Variants in DCLK1 observed in about 807,000 individuals in gnomAD.
DCLK1 encodes doublecortin like kinase 1.
Under a neutral mutation model 86.2 loss-of-function variants are expected in DCLK1, and 16 were observed. That is an observed-to-expected ratio of 0.19 (90% CI 0.13 to 0.28). DCLK1 has a LOEUF of 0.28. DCLK1 is among the 10% of genes least tolerant of loss of function. The pLI is 1.00. For synonymous variants in DCLK1, 369 were observed against 370.5 expected (o/e 1.00, Z 0.05); for missense variants, 590 against 940.2 (o/e 0.63, Z 4.87).
chr13:36,102,772 T>C (rs1260145468), intron 3 of DCLK1, among the ~76,000 whole-genome samples: 1 of 152,208 alleles, frequency 6.6e-6, no homozygotes, highest in Non-Finnish European at 1.5e-5. Flanking sequence ...AATAACTGAT[T>C]ACACTGAATA....
intron 16 of DCLK1, among the ~76,000 whole-genome samples, chr13:35,780,214 C>T (rs1399398223): frequency 6.6e-6 from 1 of 152,058 alleles, no homozygotes; most frequent in Non-Finnish European, 1.5e-5. Flanking sequence ...CTTCAGAACG[C>T]CTATTTTTGT....
intron 3 of DCLK1, among the ~76,000 whole-genome samples, chr13:36,098,199 G>A (rs900290318): frequency 6.6e-6 from 1 of 152,098 alleles, no homozygotes; most frequent in Non-Finnish European, 1.5e-5. Flanking sequence ...TCACCCCCAG[G>A]GACAGATCCG....
At chr13:36,071,124 T>C (rs1428698695) in intron 3 of DCLK1, among the ~76,000 whole-genome samples, 2 of 152,018 alleles carry the variant, frequency 1.3e-5, no homozygotes, top group Non-Finnish European at 2.9e-5. Flanking sequence ...ATTTTAACAC[T>C]TCAGAATTTT....
intron 3 of DCLK1, among the ~76,000 whole-genome samples, chr13:35,954,904 G>A (rs1877896187): frequency 6.6e-6 from 1 of 152,078 alleles, no homozygotes; most frequent in Non-Finnish European, 1.5e-5. Context: ...CAAACTAACA[G>A]GCTGATGCTT....
chr13:35,953,696 AG>A (rs1877826238), intron 3 of DCLK1, among the ~76,000 whole-genome samples: 1 of 152,192 alleles, frequency 6.6e-6, no homozygotes, highest in Non-Finnish European at 1.5e-5. Context: ...AGGCAATAAA[AG>A]CATCTGCTGT....
chr13:35,816,515 G>A (rs2087269727), intron 11 of DCLK1, among the ~76,000 whole-genome samples: 2 of 152,078 alleles, frequency 1.3e-5, no homozygotes, highest in Admixed American at 6.6e-5. Context: ...GGACATACCA[G>A]GCATTGTGAT....
intron 3 of DCLK1, among the ~76,000 whole-genome samples, chr13:35,956,660 C>T (rs1465783920): frequency 1.3e-5 from 2 of 152,310 alleles, no homozygotes; most frequent in African/African-American, 2.4e-5. Flanking sequence ...GAGTCATAAA[C>T]ACAGGACCAA....
intron 2 of DCLK1, among the ~76,000 whole-genome samples, chr13:36,123,836 T>C (rs1350148415): frequency 6.6e-6 from 1 of 152,212 alleles, no homozygotes; most frequent in Non-Finnish European, 1.5e-5. Flanking sequence ...AGAGAAAGCA[T>C]TATTTTGCAG....
chr13:35,855,473 C>T (rs1320131259), intron 5 of DCLK1: 16 of 1,578,372 alleles, frequency 1.0e-5, no homozygotes, highest in African/African-American at 2.7e-5. Flanking sequence ...AAAATAAATG[C>T]TTTCCACAAG....
intron 4 of DCLK1, among the ~76,000 whole-genome samples, chr13:35,933,781 A>G (rs887866578): frequency 6.6e-6 from 1 of 152,180 alleles, no homozygotes; most frequent in Non-Finnish European, 1.5e-5. Context: ...GCTGCTGTAA[A>G]GACCTCTGAC....
intron 16 of DCLK1, among the ~76,000 whole-genome samples, chr13:35,786,847 T>C (rs2086632093): frequency 3.9e-5 from 6 of 152,136 alleles, no homozygotes; most frequent in Admixed American, 3.3e-4. Flanking sequence ...AACTCCTACA[T>C]GCATTATAAA....
intron 3 of DCLK1, among the ~76,000 whole-genome samples, chr13:36,000,735 A>G (rs1329599652): frequency 6.6e-6 from 1 of 152,178 alleles, no homozygotes; most frequent in African/African-American, 2.4e-5. Context: ...CAAGAAAACA[A>G]AAGCAAAATA....
At chr13:36,050,671 C>T in intron 3 of DCLK1, among the ~76,000 whole-genome samples, 1 of 152,124 alleles carries the variant, frequency 6.6e-6, no homozygotes, top group East Asian at 1.9e-4. Flanking sequence ...TTAACTTAAT[C>T]TCGTCCTTCA....
chr13:35,923,053 A>G (rs918081978), intron 4 of DCLK1, among the ~76,000 whole-genome samples: 1 of 152,184 alleles, frequency 6.6e-6, no homozygotes, highest in Non-Finnish European at 1.5e-5. Context: ...CAGAACTTTA[A>G]AGAATTGGAG....
At position 36,045,326 on chromosome 13, in the gene DCLK1, GTGTGTGTATA is replaced by G. The variant is rs1379482190; in HGVS notation, c.723+66533_723+66542del. 3.7e-3 allele frequency among the ~76,000 whole-genome samples: 226 copies of G among 60,868 alleles called. 1 individual carries two copies. Among genetic ancestry groups the G allele is most frequent in the African/African-American group, 8.4e-3 (162 of 19,246 alleles). 39.9% of individuals were successfully genotyped at this position (60,868 alleles called of 152,430 possible). Reference sequence around the variant, plus strand: ...TATATATATGTCTATATATGTGTGTGTGTGTGTATATATATATATATATATATATATATAT... The same window carrying G: ...TATATATATGTCTATATATGTGTGTGTATATATATATATATATATATATAT... On this transcript the variant is annotated intron_variant, in intron 3 of 16. Coordinates refer to ENST00000360631, the MANE Select transcript of DCLK1 (RefSeq NM_001330071.2).
Position 36,109,741 on chromosome 13 carries a change from G to A in DCLK1, c.723+2128C>T, listed in dbSNP as rs149609003. Among the ~76,000 whole-genome samples, 495 of 152,242 alleles carry A rather than the reference G, an allele frequency of 3.3e-3. 3 individuals are homozygous for A. The highest frequency in any genetic ancestry group is 0.011 in the African/African-American group (466 of 41,540). On this transcript the variant is annotated intron_variant, in intron 3 of 16. Transcript: ENST00000360631. ...TTTGCTAAAAACATAAGGAATCTAC[G>A]GCTGAGCCAAGACTTGAATCCTGGT...
intron 4 of DCLK1, among the ~76,000 whole-genome samples, chr13:35,919,813 T>C (rs574446677): frequency 1.3e-5 from 2 of 149,630 alleles, no homozygotes; most frequent in Admixed American, 6.8e-5. Flanking sequence ...AAAATTTTTT[T>C]TCATTAAAAA....
chr13:35,954,220 TA>T (rs975005648), intron 3 of DCLK1, among the ~76,000 whole-genome samples: 17 of 151,654 alleles, frequency 1.1e-4, no homozygotes, highest in African/African-American at 1.9e-4. Context: ...GCTTTTTTTT[TA>T]AAAAAAAATC....
chr13:35,823,157 G>A (rs1179995117), intron 10 of DCLK1, among the ~76,000 whole-genome samples: 2 of 152,172 alleles, frequency 1.3e-5, no homozygotes, highest in African/African-American at 4.8e-5. Context: ...ATCCCAGCTA[G>A]GGGACGAGGA....
Sources: allele counts gnomAD v4.1 joint callset (sites outside exome capture counted in the v4.1 genomes callset), GRCh38; gene constraint gnomAD v4.1.1; transcripts MANE v1.5; gene names NCBI Gene and HGNC (gene_info 2026-07-23, HGNC 2026-07-21).